Variants in IKBKB observed in about 807,000 individuals in gnomAD.
The protein encoded by IKBKB is inhibitor of nuclear factor kappa B kinase subunit beta, also known as inhibitor of nuclear factor kappa-B kinase subunit beta.
A neutral mutation model predicts 113.6 loss-of-function variants in IKBKB; 42 were observed. That is an observed-to-expected ratio of 0.37 (90% CI 0.29 to 0.48). The LOEUF (loss-of-function observed/expected upper bound fraction) is 0.48. IKBKB is among the 20% of genes least tolerant of loss of function. The probability of loss-of-function intolerance (pLI) is 0.99; values close to 1 mark genes in which losing one functional copy is unlikely to be tolerated. For missense variants in IKBKB, 673 were observed against 939.7 expected, an observed-to-expected ratio of 0.72 and a Z score of 3.71; for synonymous variants, 296 against 361.3, an observed-to-expected ratio of 0.82 and a Z score of 2.05.
intron 5 of IKBKB, among the ~76,000 whole-genome samples, chr8:42,294,855 C>A (rs761778149): frequency 1.3e-5 from 2 of 152,190 alleles, no homozygotes; most frequent in Non-Finnish European, 2.9e-5. Flanking sequence ...CTCACCCATC[C>A]ATGTTTTGCT....
At chr8:42,327,624 C>T (rs1821017571) in intron 20 of IKBKB, among the ~76,000 whole-genome samples, 1 of 150,104 alleles carries the variant, frequency 6.7e-6, no homozygotes, top group Admixed American at 6.6e-5. Context: ...TGAGCCACTG[C>T]ACCCAGCCTT....
At chr8:42,326,647 G>C (rs1820790800) in intron 20 of IKBKB, among the ~76,000 whole-genome samples, 1 of 152,172 alleles carries the variant, frequency 6.6e-6, no homozygotes, top group South Asian at 2.1e-4. Context: ...TCCTTAGTCA[G>C]TCATAAATAA....
chr8:42,314,715 C>T (rs1235320979), intron 9 of IKBKB, among the ~76,000 whole-genome samples: 1 of 149,838 alleles, frequency 6.7e-6, no homozygotes, highest in Non-Finnish European at 1.5e-5. Flanking sequence ...GCAAAGGTTG[C>T]AGTGAGCTGA....
At chr8:42,288,856 G>A (rs1000248065) in intron 3 of IKBKB, 128 bp downstream of exon 3, 2 of 607,116 alleles carry the variant, frequency 3.3e-6, no homozygotes, top group African/African-American at 1.9e-5. Context: ...GGCCAAGGCG[G>A]GCAGATCACG....
intron 5 of IKBKB, among the ~76,000 whole-genome samples, chr8:42,299,909 T>G (rs1242066104): frequency 6.6e-6 from 1 of 152,246 alleles, no homozygotes; most frequent in Non-Finnish European, 1.5e-5. Flanking sequence ...TTGCCATTAC[T>G]GCTCTGTGAT....
chr8:42,292,035 G>T (rs920824220), intron 4 of IKBKB, among the ~76,000 whole-genome samples: 1 of 152,218 alleles, frequency 6.6e-6, no homozygotes, highest in Non-Finnish European at 1.5e-5. Context: ...CTGGAGATAG[G>T]CATGTCCTGG....
At chr8:42,281,709 G>A (rs1275517074) in intron 2 of IKBKB, among the ~76,000 whole-genome samples, 1 of 152,196 alleles carries the variant, frequency 6.6e-6, no homozygotes, top group Non-Finnish European at 1.5e-5. Context: ...AGTCTCTCTG[G>A]TCCCAGCCCT....
intron 20 of IKBKB, among the ~76,000 whole-genome samples, chr8:42,328,763 T>A (rs1821276905): frequency 6.6e-6 from 1 of 152,176 alleles, no homozygotes; most frequent in Non-Finnish European, 1.5e-5. Context: ...CTTTTTTTTG[T>A]CTACTTCAAA....
intron 4 of IKBKB, 117 bp from the exon 5 acceptor site, chr8:42,293,326 C>A: frequency 1.6e-6 from 2 of 1,282,758 alleles, no homozygotes; most frequent in Non-Finnish European, 1.1e-6. Context: ...AAGCAGGTCC[C>A]CTAAAGACCA....
At chr8:42,305,858 GTGAA>G (rs1816418414) in intron 6 of IKBKB, among the ~76,000 whole-genome samples, 1 of 152,246 alleles carries the variant, frequency 6.6e-6, no homozygotes, top group Non-Finnish European at 1.5e-5. Flanking sequence ...GTGGAATACA[GTGAA>G]TGAGTTCTTA....
chr8:42,316,558 C>T lies in IKBKB; in HGVS notation c.931-152C>T, dbSNP rs1266937655. 6 of 865,834 alleles carry T rather than the reference C, an allele frequency of 6.9e-6. No homozygotes were observed. Among genetic ancestry groups the T allele is most frequent in the Non-Finnish European group, 1.1e-5 (6 of 570,836 alleles). 53.6% of individuals were successfully genotyped at this position (865,834 alleles called of 1,614,324 possible). On this transcript the variant is annotated intron_variant, in intron 10 of 21. Coordinates refer to ENST00000520810, the MANE Select transcript of IKBKB (RefSeq NM_001556.3). The surrounding 1 kb of genome is among the most constrained non-coding windows in gnomAD (Gnocchi z 4.5). Reference sequence around the variant, plus strand: ...CAGGATTATGAAAGATGCAAATATGCGAAACATGGCACATGACCTCCCTCC... The same window carrying T: ...CAGGATTATGAAAGATGCAAATATGTGAAACATGGCACATGACCTCCCTCC...
At chr8:42,323,659 C>T (rs1820188289) in intron 19 of IKBKB, among the ~76,000 whole-genome samples, 1 of 152,122 alleles carries the variant, frequency 6.6e-6, no homozygotes, top group Non-Finnish European at 1.5e-5. Context: ...GGACAATCCA[C>T]ACACAGTGCA....
At chr8:42,325,885 G>C in intron 19 of IKBKB, 85 bp from the exon 20 acceptor site, 1 of 1,574,498 alleles carries the variant, frequency 6.4e-7, no homozygotes, top group South Asian at 1.2e-5. Context: ...CAGCCAGCCA[G>C]TTGTCTCCTA....
intron 19 of IKBKB, among the ~76,000 whole-genome samples, chr8:42,323,616 G>A (rs115796806): frequency 0.012 from 1,885 of 152,246 alleles, 37 homozygotes; most frequent in African/African-American, 0.041. Context: ...AGGAGATGGT[G>A]CATTAGGAGA....
chr8:42,279,980 C>CG (rs1252137089), intron 2 of IKBKB, among the ~76,000 whole-genome samples: 1 of 152,150 alleles, frequency 6.6e-6, no homozygotes, highest in Non-Finnish European at 1.5e-5. Context: ...TCCTGAGTAG[C>CG]TGGGACTACA....
chr8:42,294,635 C>T (rs549845567), intron 5 of IKBKB, among the ~76,000 whole-genome samples: 2 of 152,350 alleles, frequency 1.3e-5, no homozygotes, highest in Admixed American at 1.3e-4. Context: ...AAATTCCCAT[C>T]TTGCTCTGTG....
intron 8 of IKBKB, chr8:42,309,463 G>T (rs959991335): frequency 1.7e-5 from 7 of 405,034 alleles, no homozygotes; most frequent in Admixed American, 6.6e-5. Context: ...TTTTTAAAGC[G>T]TAAGAATGTG....
chr8:42,318,420 C>A, intron 12 of IKBKB, 132 bp from the exon 13 acceptor site: 1 of 969,328 alleles, frequency 1.0e-6, no homozygotes, highest in Non-Finnish European at 1.6e-6. Flanking sequence ...GGCATAACAC[C>A]CTCCAAAGTT....
chr8:42,301,814 G>A (rs568049997), intron 5 of IKBKB, among the ~76,000 whole-genome samples: 82 of 152,244 alleles, frequency 5.4e-4, no homozygotes, highest in African/African-American at 2.0e-3. Flanking sequence ...GGTCTAATCC[G>A]AATGCTCCTC....
Sources: gnomAD v4.1 joint callset for allele counts (sites outside exome capture counted in the v4.1 genomes callset) on GRCh38, gnomAD v4.1.1 for gene constraint, Gnocchi (gnomAD v3.1) non-coding constraint, MANE v1.5 for transcripts, NCBI Gene and HGNC (gene_info 2026-07-23, HGNC 2026-07-21) for gene names.